The following SLC35B3 variants were observed in gnomAD, a reference collection of about 807,000 sequenced individuals.
SLC35B3 encodes the protein solute carrier family 35 member B3.
SLC35B3 carries 35 observed loss-of-function variants against 44.1 expected under a neutral mutation model. That is an observed-to-expected ratio of 0.79 (90% CI 0.61 to 1.05). The LOEUF (loss-of-function observed/expected upper bound fraction) is 1.05. SLC35B3 is among the 50% of genes least tolerant of loss of function. The pLI is 0.00. For missense variants in SLC35B3, 414 were observed against 476.4 expected, an observed-to-expected ratio of 0.87 and a Z score of 1.22; for synonymous variants, 146 against 167.3, an observed-to-expected ratio of 0.87 and a Z score of 0.98.
In SLC35B3 at chr6:8,420,484, TCAA is replaced by T. The variant is rs1762795364; in HGVS notation, c.682+234_682+236del. 6.6e-6 allele frequency among the ~76,000 whole-genome samples: 1 copy of T among 152,164 alleles called. No homozygotes were observed. ...TACAACTGACATAAACAAATCTGAG[TCAA>T]CACTTCATTCCTGAGAAGCATCAAA... On this transcript the variant is annotated intron_variant, in intron 6 of 10. Transcript: ENST00000644923. The surrounding 1 kb of genome is among the most constrained non-coding windows in gnomAD (Gnocchi z 4.4).
intron 9 of SLC35B3, 93 bp from the exon 9 acceptor site, chr6:8,415,070 T>A: frequency 2.7e-6 from 2 of 743,902 alleles, no homozygotes; most frequent in Non-Finnish European, 4.3e-6. Context: ...CCTGACTATA[T>A]GCCAGAATCT....
Position 8,419,607 on chromosome 6 carries a change from T to A in SLC35B3, c.753A>T (p.Lys251Asn), listed in dbSNP as rs1318060033. Reference sequence around the variant, plus strand: ...TTTCAGAATTAGAAGCATTATGAAGTTTCATAGCTTTCTCTTGAACATTTC... The same window carrying A: ...TTTCAGAATTAGAAGCATTATGAAGATTCATAGCTTTCTCTTGAACATTTC... Residue 251 changes from lysine (K) to asparagine (N), a missense_variant, in exon 7 of 11, where the codon AAA becomes AAT. Physicochemically the swap from Lys to Asn is moderately conservative, Grantham distance 94. Transcript: ENST00000644923. The surrounding 1 kb of genome is among the most constrained non-coding windows in gnomAD (Gnocchi z 4.3). 6.4e-7 allele frequency: 1 copy of A among 1,564,716 alleles called. No homozygotes were observed.
rs1325375285 is a variant in SLC35B3 at position 8,435,250 on chromosome 6, C to T, written c.-44+93G>A. The T allele has an allele frequency of 2.3e-6, 3 of 1,289,250 alleles. No homozygotes were observed. In the South Asian group the frequency reaches 3.7e-5, roughly 16 times the overall value. The allele number at this position is 1,289,250 out of a possible 1,614,324, so 79.9% of individuals were successfully genotyped here. On this transcript the variant is annotated intron_variant, in intron 1 of 10. Coordinates refer to ENST00000644923, the MANE Select transcript of SLC35B3 (RefSeq NM_001370476.2). This position sits in a 1 kb window ranked among gnomAD's most constrained non-coding sequence, Gnocchi z 5.5. ...GACCTCATCCATTCCTCGAACGCTC[C>T]TTCTGGATGAGGAAGATGGGCAGTG...
chr6:8,413,778 G>T (rs1762171515), intron 10 of SLC35B3, 79 bp from the exon 10 acceptor site: 1 of 862,076 alleles, frequency 1.2e-6, no homozygotes, highest in Non-Finnish European at 1.7e-6. Flanking sequence ...TTGTTAATAT[G>T]TCCATAATAA....
intron 3 of SLC35B3, 99 bp from the exon 3 acceptor site, chr6:8,428,157 C>G: frequency 9.2e-7 from 1 of 1,092,488 alleles, no homozygotes; most frequent in Non-Finnish European, 1.2e-6. Flanking sequence ...AAACCAAGCC[C>G]CACCTCCAAC....
intron 10 of SLC35B3, 131 bp downstream of exon 9, chr6:8,414,777 T>A: frequency 2.2e-6 from 1 of 454,030 alleles, no homozygotes; most frequent in Non-Finnish European, 3.8e-6. Flanking sequence ...AAAAACCACA[T>A]TAATTTATAT....
intron 9 of SLC35B3, 55 bp downstream of exon 8, chr6:8,416,829 A>T (rs549055531): frequency 1.2e-6 from 1 of 808,212 alleles, no homozygotes; most frequent in Admixed American, 2.6e-5. Flanking sequence ...GAAAAAGAGC[A>T]TCAGAGAAAA....
chr6:8,420,966 A>G lies in SLC35B3; in HGVS notation c.575-138T>C, dbSNP rs903208620. 3 of 537,358 alleles carry G rather than the reference A, an allele frequency of 5.6e-6. No individual in the cohort carries two copies. The highest frequency in any genetic ancestry group is 9.8e-6 in the Non-Finnish European group (3 of 305,268). 33.3% of individuals were successfully genotyped at this position (537,358 alleles called of 1,614,324 possible). A position where few individuals can be genotyped will look rare whatever the true frequency, so the allele number is the denominator to read the frequency against. On this transcript the variant is annotated intron_variant, in intron 5 of 10. Coordinates refer to ENST00000644923, the MANE Select transcript of SLC35B3 (RefSeq NM_001370476.2). This position sits in a 1 kb window ranked among gnomAD's most constrained non-coding sequence, Gnocchi z 4.4. ...ACGTGAACACTTAGGTCAAGGCAGAAGACAGTCACAAGAGGGCTTCTGAAA... is the reference window on the plus strand; with the variant it reads ...ACGTGAACACTTAGGTCAAGGCAGAGGACAGTCACAAGAGGGCTTCTGAAA...
At chr6:8,416,492 A>G (rs1762424663) in intron 9 of SLC35B3, among the ~76,000 whole-genome samples, 2 of 152,210 alleles carry the variant, frequency 1.3e-5, no homozygotes, top group South Asian at 4.1e-4. Flanking sequence ...TGAAAGGCCT[A>G]AAAAGCTTAT....
intron 4 of SLC35B3, 138 bp downstream of exon 3, chr6:8,427,799 T>C (rs1763561221): frequency 4.9e-6 from 3 of 613,722 alleles, no homozygotes; most frequent in South Asian, 5.7e-5. Flanking sequence ...AAAATGTATT[T>C]AGTATTAAGT....
In SLC35B3 at chr6:8,420,834, T is replaced by TA; in HGVS notation, c.575-7dup. The TA allele has an allele frequency of 6.2e-7, 1 of 1,602,466 alleles. No homozygotes were observed. The highest frequency in any genetic ancestry group is 8.5e-7 in the Non-Finnish European group (1 of 1,172,132). Reference sequence around the variant, plus strand: ...TGCAACATTATAACGCTTTCCTGTATAAAACAAACGTAAGTCCACTTCATT... The same window carrying TA: ...TGCAACATTATAACGCTTTCCTGTATAAAAACAAACGTAAGTCCACTTCATT... On this transcript the variant is annotated splice_polypyrimidine_tract_variant and splice_region_variant and intron_variant, in intron 5 of 10. Transcript: ENST00000644923. The surrounding 1 kb of genome is among the most constrained non-coding windows in gnomAD (Gnocchi z 4.4).
In SLC35B3 at chr6:8,413,346, G is replaced by A. The variant is rs991547308; in HGVS notation, c.*203C>T. 10 of 470,450 alleles carry A rather than the reference G, an allele frequency of 2.1e-5. No homozygotes were observed. The highest frequency in any genetic ancestry group is 3.6e-5 in the East Asian group (1 of 27,692). The allele number at this position is 470,450 out of a possible 1,614,324, so 29.1% of individuals were successfully genotyped here. On this transcript the variant is annotated 3_prime_UTR_variant, in exon 11 of 11. Coordinates refer to ENST00000644923, the MANE Select transcript of SLC35B3 (RefSeq NM_001370476.2). Reference sequence around the variant, plus strand: ...CATTTTATTGTAAAGTCTGCTAGACGTGGCTCTCTTGATTGCTTTGGAAGT... The same window carrying A: ...CATTTTATTGTAAAGTCTGCTAGACATGGCTCTCTTGATTGCTTTGGAAGT...
chr6:8,414,443 C>T (rs556511983), intron 10 of SLC35B3, among the ~76,000 whole-genome samples: 1 of 152,264 alleles, frequency 6.6e-6, no homozygotes, highest in East Asian at 1.9e-4. Context: ...ATGTAACTTA[C>T]AGAATATTTC....
At position 8,416,884 on chromosome 6, in the gene SLC35B3, C is replaced by T; in HGVS notation, c.985G>A (p.Val329Met). 1 of 1,480,496 alleles carries T rather than the reference C, an allele frequency of 6.8e-7. No individual in the cohort carries two copies. Among genetic ancestry groups the T allele is most frequent in the Non-Finnish European group, 9.3e-7 (1 of 1,076,612 alleles). 91.7% of individuals were successfully genotyped at this position (1,480,496 alleles called of 1,614,324 possible). The change falls in exon 9 of 11, where the codon GTG (valine) becomes ATG (methionine). Residue 329 changes from valine (V) to methionine (M), a missense_variant and splice_region_variant. Coordinates refer to ENST00000644923, the MANE Select transcript of SLC35B3 (RefSeq NM_001370476.2). ...ATCAAAGCAAGTAAATCCCTCCTAC[C>T]TGTTACAGCAATAAGTGCACCAAAA...
chr6:8,430,251 C>T, intron 2 of SLC35B3, 94 bp from the exon 2 acceptor site: 4 of 1,123,694 alleles, frequency 3.6e-6, no homozygotes, highest in Non-Finnish European at 3.7e-6. Flanking sequence ...ATACAAATGT[C>T]TGCTTCTCTC....
At position 8,434,778 on chromosome 6, in the gene SLC35B3, T is replaced by C. The variant is rs556749604; in HGVS notation, c.-43-348A>G. On this transcript the variant is annotated intron_variant, in intron 1 of 10. Coordinates refer to ENST00000644923, the MANE Select transcript of SLC35B3 (RefSeq NM_001370476.2). The surrounding 1 kb of genome is among the most constrained non-coding windows in gnomAD (Gnocchi z 6.3). ...TGTTAGCGCACCAAATCATTCCATC[T>C]TTTACTTTCAATATTCCTTAAATAA... Among the ~76,000 whole-genome samples, 10 of 152,302 alleles carry C rather than the reference T, an allele frequency of 6.6e-5. No individual in the cohort carries two copies. Among genetic ancestry groups the C allele is most frequent in the African/African-American group, 2.4e-4 (10 of 41,566 alleles).
rs1764297035 is a variant in SLC35B3, at chr6:8,434,484, TAC to T, written c.-43-56_-43-55del. On this transcript the variant is annotated intron_variant, in intron 1 of 10. Transcript: ENST00000644923. This position sits in a 1 kb window ranked among gnomAD's most constrained non-coding sequence, Gnocchi z 6.3. ...AACAAAGTTCCATCTCATTTCTTTGTACACACATCATTACACAAAGGTGGAGA... is the reference window on the plus strand; with the variant it reads ...AACAAAGTTCCATCTCATTTCTTTGTACACATCATTACACAAAGGTGGAGA... 2 of 1,488,130 alleles carry T rather than the reference TAC, an allele frequency of 1.3e-6. No individual in the cohort carries two copies. The highest frequency in any genetic ancestry group is 1.9e-6 in the Non-Finnish European group (2 of 1,077,378). The allele number at this position is 1,488,130 out of a possible 1,614,324, so 92.2% of individuals were successfully genotyped here.
At chr6:8,428,311 A>G (rs1013140280) in intron 3 of SLC35B3, among the ~76,000 whole-genome samples, 1 of 152,200 alleles carries the variant, frequency 6.6e-6, no homozygotes, top group Admixed American at 6.5e-5. Flanking sequence ...ATTATAAAGC[A>G]ATATTTATAT....
rs958443093 is a variant in SLC35B3 at position 8,419,336 on chromosome 6, A to G, written c.780+244T>C. On this transcript the variant is annotated intron_variant, in intron 7 of 10. Transcript: ENST00000644923. The surrounding 1 kb of genome is among the most constrained non-coding windows in gnomAD (Gnocchi z 4.3). ...AGAGATGAGAGAAAGGATATAACAA[A>G]AGATTTTATTTTAATACATAAAAAA... is the stretch of plus-strand genomic sequence containing the variant. Among the ~76,000 whole-genome samples, 1 of 152,044 alleles carries G rather than the reference A, an allele frequency of 6.6e-6. No homozygotes were observed. Among genetic ancestry groups the G allele is most frequent in the African/African-American group, 2.4e-5 (1 of 41,448 alleles).
Sources: allele counts gnomAD v4.1 joint callset (sites outside exome capture counted in the v4.1 genomes callset), GRCh38; gene constraint gnomAD v4.1.1; non-coding constraint Gnocchi (gnomAD v3.1); transcripts MANE v1.5; gene names NCBI Gene and HGNC (gene_info 2026-07-23, HGNC 2026-07-21).